The following MRPL43 variants were observed in gnomAD, a reference collection of about 807,000 sequenced individuals.
MRPL43 encodes the protein large ribosomal subunit protein mL43.
MRPL43 carries 9 observed loss-of-function variants against 12.7 expected under a neutral mutation model. That is an observed-to-expected ratio of 0.71 (90% CI 0.43 to 1.24). The LOEUF is 1.24. Among genes scored for constraint, MRPL43 ranks in the 50% most tolerant of loss-of-function variants. The pLI, the probability that MRPL43 is intolerant of heterozygous loss-of-function variation, is 0.00. For missense variants in MRPL43, 211 were observed against 229.2 expected (o/e 0.92, Z 0.51); for synonymous variants, 116 against 96.4 (o/e 1.20, Z -1.19).
downstream of MRPL43, chr10:100,981,100 A>G: frequency 6.2e-7 from 1 of 1,609,534 alleles, no homozygotes. Flanking sequence ...TAACAGACCT[A>G]TCTACCCTTT....
At chr10:100,983,903 A>AG (rs1851276615), downstream of MRPL43, 2 of 117,626 alleles carry the variant, frequency 1.7e-5, no homozygotes, top group Non-Finnish European at 1.3e-5. Flanking sequence ...AGGGAGCCCC[A>AG]GCCCCACCAC....
downstream of MRPL43, chr10:100,981,230 G>A (rs749756476): frequency 6.2e-7 from 1 of 1,614,124 alleles, no homozygotes; most frequent in Non-Finnish European, 8.5e-7. Context: ...AGGGATACAG[G>A]TAAGTGACTC....
downstream of MRPL43, chr10:100,978,479 C>T: frequency 1.3e-6 from 2 of 1,591,134 alleles, no homozygotes; most frequent in Non-Finnish European, 1.7e-6. Flanking sequence ...TGTCATGTGC[C>T]CTGTTGAATA....
At chr10:100,981,259 C>T, downstream of MRPL43, 1 of 1,609,706 alleles carries the variant, frequency 6.2e-7, no homozygotes, top group South Asian at 1.1e-5. Context: ...GTGGGTCTAG[C>T]TACGCAGACT....
chr10:100,984,900 G>C (rs1851358185), downstream of MRPL43: 1 of 1,462,186 alleles, frequency 6.8e-7, no homozygotes, highest in Non-Finnish European at 9.0e-7. Context: ...ATGAGAGACA[G>C]AGCTCCAGGC....
At chr10:100,980,957 G>A (rs761371562), downstream of MRPL43, 53 of 1,606,358 alleles carry the variant, frequency 3.3e-5, 2 homozygotes, top group South Asian at 1.0e-4. Flanking sequence ...CCATGCCTGC[G>A]CAGCAGCCAC....
At chr10:100,979,166 T>C, downstream of MRPL43, 1 of 1,614,210 alleles carries the variant, frequency 6.2e-7, no homozygotes, top group East Asian at 2.2e-5. Flanking sequence ...GCCCGTCTCA[T>C]CTGCCACATT....
downstream of MRPL43, chr10:100,979,390 T>A: frequency 6.4e-7 from 1 of 1,562,328 alleles, no homozygotes; most frequent in Non-Finnish European, 8.7e-7. Context: ...GTGAGAATTT[T>A]TTTTTTTTTT....
At chr10:100,980,040 A>T (rs774290486), downstream of MRPL43, 1 of 1,613,632 alleles carries the variant, frequency 6.2e-7, no homozygotes, top group Non-Finnish European at 8.5e-7. Flanking sequence ...GAGCCCAGGG[A>T]AGGGTCAAAG....
downstream of MRPL43, chr10:100,985,561 G>C (rs1397803701): frequency 6.6e-6 from 1 of 152,574 alleles, no homozygotes; most frequent in Non-Finnish European, 1.5e-5. Flanking sequence ...AGAGTGGGGA[G>C]CCTGGGCTCA....
chr10:100,980,597 G>A (rs752382102), downstream of MRPL43: 13 of 1,614,156 alleles, frequency 8.1e-6, no homozygotes, highest in Admixed American at 2.2e-4. Context: ...GGATCCACAA[G>A]GCCGTAGTCC....
At chr10:100,985,496 C>T (rs1006217092), downstream of MRPL43, 1 of 152,704 alleles carries the variant, frequency 6.5e-6, no homozygotes, top group Non-Finnish European at 1.5e-5. Flanking sequence ...AGAATGGCTA[C>T]ACTTCTTTAG....
downstream of MRPL43, chr10:100,981,541 T>C (rs1162658229): frequency 6.2e-7 from 1 of 1,614,042 alleles, no homozygotes; most frequent in South Asian, 1.1e-5. Flanking sequence ...ACTGAACTGA[T>C]ATCTGAAGAA....
downstream of MRPL43, chr10:100,979,238 A>G: frequency 1.2e-6 from 2 of 1,614,164 alleles, no homozygotes; most frequent in Non-Finnish European, 1.7e-6. Context: ...AGCCGTACAC[A>G]CTTCTATGCA....
chr10:100,978,298 G>T, downstream of MRPL43: 1 of 1,612,144 alleles, frequency 6.2e-7, no homozygotes, highest in Non-Finnish European at 8.5e-7. Context: ...TCCCTAGGAT[G>T]CTGAGGCCTT....
At chr10:100,978,100 G>T, downstream of MRPL43, 1 of 589,994 alleles carries the variant, frequency 1.7e-6, no homozygotes, top group South Asian at 2.0e-5. Context: ...TGCAGATTTG[G>T]AACTCCAAAC....
chr10:100,980,466 G>A (rs917840126), downstream of MRPL43: 131 of 1,348,360 alleles, frequency 9.7e-5, no homozygotes, highest in Middle Eastern at 1.9e-4. Flanking sequence ...GCTCCTGGCT[G>A]AGTCCTTGTT....
chr10:100,986,941 GC>G lies in MRPL43; in HGVS notation c.272del (p.Cys91SerfsTer22). On this transcript the variant is annotated frameshift_variant, in exon 3 of 3. Transcript: ENST00000318364. LOFTEE classifies it high-confidence loss of function. Reference sequence around the variant, plus strand: ...GCGTCGAGATCTCCTCGACCGACTTGCAGTGGATGCTCTCCTCGCGCACAGC... The same window carrying G: ...GCGTCGAGATCTCCTCGACCGACTTGAGTGGATGCTCTCCTCGCGCACAGC... Reference protein sequence around the residue: ...NGAVREESIHCKSVEEISTLV... With the variant: ...NGAVREESIHXKSVEEISTLV... The G allele has an allele frequency of 6.2e-7, 1 of 1,608,576 alleles. No individual in the cohort carries two copies.
At chr10:100,980,728 C>T, downstream of MRPL43, 1 of 1,607,938 alleles carries the variant, frequency 6.2e-7, no homozygotes, top group South Asian at 1.1e-5. Context: ...TATAGCCTTG[C>T]TGAAATAGGA....
Sources: gnomAD v4.1 joint callset for allele counts on GRCh38, gnomAD v4.1.1 for gene constraint, MANE v1.5 for transcripts, NCBI Gene and HGNC (gene_info 2026-07-23, HGNC 2026-07-21) for gene names.